PPHLN1: variants seen among roughly 807,000 people sequenced by gnomAD.
The protein encoded by PPHLN1 is periphilin 1.
A neutral mutation model predicts 51.3 loss-of-function variants in PPHLN1; 29 were observed. The observed-to-expected ratio is 0.57, with a 90% confidence interval of 0.42 to 0.77. The LOEUF (loss-of-function observed/expected upper bound fraction) is 0.77. PPHLN1 is among the 30% of genes least tolerant of loss of function. The pLI, the probability that PPHLN1 is intolerant of heterozygous loss-of-function variation, is 0.00. For synonymous variants in PPHLN1, 147 were observed against 147.8 expected (o/e 0.99, Z 0.04); for missense variants, 436 against 438.4 (o/e 0.99, Z 0.05).
chr12:42,333,820 A>T (rs774930307), intron 1 of PPHLN1, among the ~76,000 whole-genome samples: 2 of 152,150 alleles, frequency 1.3e-5, no homozygotes, highest in African/African-American at 4.8e-5. Flanking sequence ...TGCTTTCCTT[A>T]ATCTCATCAC....
At chr12:42,397,629 G>A (rs1282211994) in intron 8 of PPHLN1, among the ~76,000 whole-genome samples, 1 of 151,950 alleles carries the variant, frequency 6.6e-6, no homozygotes, top group East Asian at 1.9e-4. Flanking sequence ...CCAGTGACTG[G>A]GCAATTTACA....
At chr12:42,427,744 C>T (rs1209771927) in intron 9 of PPHLN1, among the ~76,000 whole-genome samples, 2 of 152,118 alleles carry the variant, frequency 1.3e-5, no homozygotes, top group Non-Finnish European at 2.9e-5. Flanking sequence ...GCAATAAAGA[C>T]AAAGATAAAT....
intron 9 of PPHLN1, among the ~76,000 whole-genome samples, chr12:42,429,924 T>G (rs2081885135): frequency 6.6e-6 from 1 of 152,262 alleles, no homozygotes; most frequent in South Asian, 2.1e-4. Flanking sequence ...CACTTATCTT[T>G]CCATTTCTGG....
In PPHLN1 at chr12:42,387,461, G is replaced by A. The variant is rs1565903588; in HGVS notation, c.574G>A (p.Glu192Lys). The change falls in exon 7 of 10, where the codon GAG becomes AAG. Residue 192 changes from glutamate (E) to lysine (K), a missense_variant. By Grantham distance (56) the Glu-to-Lys change is moderately conservative (BLOSUM62 1). Coordinates refer to ENST00000358314, the MANE Select transcript of PPHLN1 (RefSeq NM_201439.2). ...TCTTATGTTTTCTTATATAGATAAA[G>A]AGAGGCCTGTCCAGTCTTTGAAAAC... Reference protein sequence around the residue: ...QNEGNPERDKERPVQSLKTSR... With the variant: ...QNEGNPERDKKRPVQSLKTSR... The A allele has an allele frequency of 1.2e-6, 2 of 1,610,560 alleles. No individual in the cohort carries two copies. The highest frequency in any genetic ancestry group is 1.7e-6 in the Non-Finnish European group (2 of 1,178,930).
At position 42,393,607 on chromosome 12, in the gene PPHLN1, T is replaced by C; in HGVS notation, c.686T>C (p.Leu229Pro). Reference protein sequence around the residue: ...DKPSRLTEKELAEAASKWAAE... With the variant: ...DKPSRLTEKEPAEAASKWAAE... ...CCCAGTAGGCTAACTGAAAAGGAAC[T>C]TGCTGAGGCTGCAAGCAAGTGGGCT... is the stretch of plus-strand genomic sequence containing the variant. Residue 229 changes from leucine (L) to proline (P), a missense_variant, in exon 8 of 10, where the codon CTT becomes CCT. Coordinates refer to ENST00000358314, the MANE Select transcript of PPHLN1 (RefSeq NM_201439.2). The C allele has an allele frequency of 6.2e-7, 1 of 1,610,332 alleles. No homozygotes were observed. The highest frequency in any genetic ancestry group is 1.1e-5 in the South Asian group (1 of 90,398).
At chr12:42,337,781 A>ATTTTAT (rs763469714) in intron 2 of PPHLN1, among the ~76,000 whole-genome samples, 3 of 117,924 alleles carry the variant, frequency 2.5e-5, no homozygotes, top group African/African-American at 1.1e-4. Context: ...ATTTTATTTT[A>ATTTTAT]TTTATTTATT....
At chr12:42,388,477 A>G (rs1357707861) in intron 7 of PPHLN1, among the ~76,000 whole-genome samples, 2 of 152,086 alleles carry the variant, frequency 1.3e-5, no homozygotes, top group African/African-American at 4.8e-5. Context: ...CCTTCTCCCT[A>G]TTATCACCCT....
chr12:42,431,886 C>T (rs540046026), intron 9 of PPHLN1: 650 of 1,593,282 alleles, frequency 4.1e-4, no homozygotes, highest in Admixed American at 6.5e-4. Flanking sequence ...TCATTCCATC[C>T]ATCAGAACAG....
chr12:42,381,173 A>G (rs1405257923), intron 5 of PPHLN1, among the ~76,000 whole-genome samples: 1 of 152,182 alleles, frequency 6.6e-6, no homozygotes, highest in African/African-American at 2.4e-5. Flanking sequence ...ATTAGATTCT[A>G]TAACATATTC....
At chr12:42,381,367 C>T (rs2076744257) in intron 5 of PPHLN1, among the ~76,000 whole-genome samples, 1 of 152,198 alleles carries the variant, frequency 6.6e-6, no homozygotes, top group Non-Finnish European at 1.5e-5. Context: ...TTAGTATATT[C>T]TGTCAGTAGC....
intron 8 of PPHLN1, among the ~76,000 whole-genome samples, chr12:42,396,673 C>T (rs2078244818): frequency 7.2e-6 from 1 of 139,130 alleles, no homozygotes; most frequent in South Asian, 2.5e-4. Context: ...CCGCTTAGTC[C>T]CAGCTACTCA....
chr12:42,442,013 C>A lies in PPHLN1; in HGVS notation c.*504C>A. 1.1e-6 allele frequency: 1 copy of A among 951,918 alleles called. No homozygotes were observed. The allele number at this position is 951,918 out of a possible 1,614,324, so 59.0% of individuals were successfully genotyped here. ...CAATGATAAAATAGAGCACTTAAATCTCTGAGAGATACCTCAGAAAAAAAT... is the reference window on the plus strand; with the variant it reads ...CAATGATAAAATAGAGCACTTAAATATCTGAGAGATACCTCAGAAAAAAAT... On this transcript the variant is annotated 3_prime_UTR_variant, in exon 10 of 10. Transcript: ENST00000358314.
At chr12:42,329,421 T>TTCCC (rs2069353080) in intron 1 of PPHLN1, among the ~76,000 whole-genome samples, 2 of 152,170 alleles carry the variant, frequency 1.3e-5, no homozygotes, top group Admixed American at 1.3e-4. Context: ...TTCAAATATT[T>TTCCC]TCTAATAGAA....
At chr12:42,330,408 C>T (rs754739243) in intron 1 of PPHLN1, among the ~76,000 whole-genome samples, 2 of 152,242 alleles carry the variant, frequency 1.3e-5, no homozygotes, top group Non-Finnish European at 2.9e-5. Flanking sequence ...GAGGCCATAT[C>T]TCAGGCTGTC....
intron 9 of PPHLN1, among the ~76,000 whole-genome samples, chr12:42,416,310 A>G (rs1226354329): frequency 3.3e-5 from 5 of 152,220 alleles, no homozygotes; most frequent in African/African-American, 7.2e-5. Context: ...AGTCTTGAAT[A>G]ATGATCACAG....
intron 1 of PPHLN1, among the ~76,000 whole-genome samples, chr12:42,330,971 A>C (rs1481243778): frequency 3.9e-5 from 6 of 152,218 alleles, no homozygotes; most frequent in Non-Finnish European, 8.8e-5. Flanking sequence ...GGCCTCCCAA[A>C]GTGCTGGGAT....
intron 8 of PPHLN1, among the ~76,000 whole-genome samples, chr12:42,396,009 C>A (rs1178097317): frequency 6.6e-6 from 1 of 152,066 alleles, no homozygotes; most frequent in Non-Finnish European, 1.5e-5. Flanking sequence ...ATACTTTCAT[C>A]TTCTGGGCTC....
intron 9 of PPHLN1, among the ~76,000 whole-genome samples, chr12:42,404,552 A>ACAACAACAACAAC (rs200429895): frequency 6.6e-6 from 1 of 151,986 alleles, no homozygotes; most frequent in African/African-American, 2.4e-5. Context: ...AACAACAACA[A>ACAACAACAACAAC]AAATATTTCA....
At chr12:42,370,482 A>T (rs1425413675) in intron 4 of PPHLN1, among the ~76,000 whole-genome samples, 1 of 152,108 alleles carries the variant, frequency 6.6e-6, no homozygotes, top group Non-Finnish European at 1.5e-5. Context: ...TTGAAATAAG[A>T]GTTTTTCTAT....
Sources: gnomAD v4.1 joint callset for allele counts (sites outside exome capture counted in the v4.1 genomes callset) on GRCh38, gnomAD v4.1.1 for gene constraint, MANE v1.5 for transcripts, NCBI Gene and HGNC (gene_info 2026-07-23, HGNC 2026-07-21) for gene names.